VAV1: variants seen among roughly 807,000 people sequenced by gnomAD.
VAV1 encodes the protein vav guanine nucleotide exchange factor 1, also known as proto-oncogene vav.
Under a neutral mutation model 128.1 loss-of-function variants are expected in VAV1, and 33 were observed. The ratio of observed to expected loss-of-function variants is 0.26; its 90% CI spans 0.20 to 0.34. VAV1 has a LOEUF of 0.34. Among genes scored for constraint, VAV1 ranks in the 10% least tolerant of loss-of-function variants. The probability of loss-of-function intolerance (pLI) is 1.00; values close to 1 mark genes in which losing one functional copy is unlikely to be tolerated. For synonymous variants in VAV1, 394 were observed against 409.8 expected (o/e 0.96, Z 0.47); for missense variants, 715 against 1,093.7 (o/e 0.65, Z 4.88).
chr19:6,779,401 A>G (rs1416932810), intron 1 of VAV1, among the ~76,000 whole-genome samples: 1 of 151,038 alleles, frequency 6.6e-6, no homozygotes. Context: ...AAGATGACAC[A>G]TGCCACCCAC....
At chr19:6,807,623 G>A (rs768738686) in intron 1 of VAV1, among the ~76,000 whole-genome samples, 2 of 152,018 alleles carry the variant, frequency 1.3e-5, no homozygotes, top group Non-Finnish European at 2.9e-5. Flanking sequence ...GAGGTGGGAG[G>A]ATCACTTGAG....
At chr19:6,821,983 C>A in intron 4 of VAV1, 124 bp downstream of exon 4, 2 of 1,361,122 alleles carry the variant, frequency 1.5e-6, no homozygotes, top group Non-Finnish European at 2.1e-6. Flanking sequence ...GGGCACACAA[C>A]CTTGCCTGAG....
At chr19:6,782,076 A>C (rs976746434) in intron 1 of VAV1, among the ~76,000 whole-genome samples, 11 of 152,220 alleles carry the variant, frequency 7.2e-5, no homozygotes, top group Admixed American at 7.2e-4. Flanking sequence ...CACTCTTGTA[A>C]TCCCAGCACT....
At chr19:6,789,190 A>G (rs1030233947) in intron 1 of VAV1, among the ~76,000 whole-genome samples, 1 of 152,198 alleles carries the variant, frequency 6.6e-6, no homozygotes, top group Admixed American at 6.5e-5. Context: ...TGAGAACAGC[A>G]AAGAAGAGAT....
rs1568318678 is a variant in VAV1 at position 6,849,661 on chromosome 19, G to A, written c.2130-1009G>A. Reference sequence around the variant, plus strand: ...CATGTGTACCCAATGTTTAACCCCTGCTTATAAGTGAGAACATGTGGTGTT... The same window carrying A: ...CATGTGTACCCAATGTTTAACCCCTACTTATAAGTGAGAACATGTGGTGTT... On this transcript the variant is annotated intron_variant, in intron 23 of 26. Coordinates refer to ENST00000602142, the MANE Select transcript of VAV1 (RefSeq NM_005428.4). Among the ~76,000 whole-genome samples the A allele has an allele frequency of 2.0e-5, 3 of 152,132 alleles. No homozygotes were observed. The East Asian group carries it at 5.8e-4, about 29-fold the overall frequency.
At position 6,848,019 on chromosome 19, in the gene VAV1, G is replaced by A; in HGVS notation, c.2034G>A (p.Arg678=). Residue 678 remains arginine (R), a synonymous_variant, in exon 23 of 27, where the codon CGG becomes CGA. Transcript: ENST00000602142. The part of the protein sequence containing the change: ...VHLWYAGPME[R]AGAESILANR... Reference sequence around the variant, plus strand: ...GCAGGTACGCAGGCCCCATGGAGCGGGCAGGGGCAGAGAGCATCCTGGCCA... The same window carrying A: ...GCAGGTACGCAGGCCCCATGGAGCGAGCAGGGGCAGAGAGCATCCTGGCCA... 6.5e-7 allele frequency: 1 copy of A among 1,528,564 alleles called. No individual in the cohort carries two copies. 94.7% of individuals were successfully genotyped at this position (1,528,564 alleles called of 1,614,324 possible).
At chr19:6,790,551 C>T (rs1462551399) in intron 1 of VAV1, among the ~76,000 whole-genome samples, 1 of 152,204 alleles carries the variant, frequency 6.6e-6, no homozygotes. Flanking sequence ...TGATCCAGGA[C>T]AGGCGAGCCC....
At chr19:6,803,020 G>C (rs183098944) in intron 1 of VAV1, among the ~76,000 whole-genome samples, 2 of 152,246 alleles carry the variant, frequency 1.3e-5, no homozygotes, top group African/African-American at 2.4e-5. Context: ...AAACTGGGAG[G>C]CAACAAATTG....
chr19:6,826,819 C>G lies in VAV1; in HGVS notation c.927+108C>G. 1 of 870,414 alleles carries G rather than the reference C, an allele frequency of 1.1e-6. No homozygotes were observed. Among genetic ancestry groups the G allele is most frequent in the Non-Finnish European group, 1.8e-6 (1 of 547,702 alleles). The allele number at this position is 870,414 out of a possible 1,614,324, so 53.9% of individuals were successfully genotyped here. A position where few individuals can be genotyped will look rare whatever the true frequency, so the allele number is the denominator to read the frequency against. On this transcript the variant is annotated intron_variant, in intron 9 of 26. Coordinates refer to ENST00000602142, the MANE Select transcript of VAV1 (RefSeq NM_005428.4). The surrounding 1 kb of genome is among the most constrained non-coding windows in gnomAD (Gnocchi z 4.1). Reference sequence around the variant, plus strand: ...TGGTCCACTTTCTGCTGCAGCCCAGCCAGAGATCCACCAAAGGACTAGGGA... The same window carrying G: ...TGGTCCACTTTCTGCTGCAGCCCAGGCAGAGATCCACCAAAGGACTAGGGA...
chr19:6,809,171 C>G (rs1347507304), intron 1 of VAV1, among the ~76,000 whole-genome samples: 1 of 151,462 alleles, frequency 6.6e-6, no homozygotes, highest in African/African-American at 2.4e-5. Flanking sequence ...ACCTCAAACT[C>G]CTGGACTCAA....
intron 1 of VAV1, among the ~76,000 whole-genome samples, chr19:6,775,639 G>A (rs1970603910): frequency 6.6e-6 from 1 of 152,148 alleles, no homozygotes; most frequent in African/African-American, 2.4e-5. Flanking sequence ...GCACATTCCT[G>A]CCCCTACCCA....
At chr19:6,840,295 TTTTC>T (rs1158700974) in intron 21 of VAV1, among the ~76,000 whole-genome samples, 1 of 134,002 alleles carries the variant, frequency 7.5e-6, no homozygotes, top group African/African-American at 2.6e-5. Flanking sequence ...TGTGTCAGAA[TTTTC>T]TTTCTTTTTT....
At chr19:6,797,743 TAAAA>T (rs530435791) in intron 1 of VAV1, among the ~76,000 whole-genome samples, 1 of 89,918 alleles carries the variant, frequency 1.1e-5, no homozygotes. Context: ...AAACTCCGTC[TAAAA>T]AAAAAAAAAA....
At chr19:6,836,865 C>G (rs1156749956) in intron 20 of VAV1, 120 bp from the exon 21 acceptor site, 1 of 347,192 alleles carries the variant, frequency 2.9e-6, no homozygotes, top group Non-Finnish European at 6.0e-6. Context: ...CACACACACA[C>G]ACACACACAC....
In VAV1 at chr19:6,822,809, A is replaced by T. The variant is rs1394110454; in HGVS notation, c.654+295A>T. 6.8e-6 allele frequency among the ~76,000 whole-genome samples: 1 copy of T among 147,740 alleles called. No individual in the cohort carries two copies. The highest frequency in any genetic ancestry group is 6.8e-5 in the Admixed American group (1 of 14,746). On this transcript the variant is annotated intron_variant, in intron 6 of 26. Transcript: ENST00000602142. This position sits in a 1 kb window ranked among gnomAD's most constrained non-coding sequence, Gnocchi z 5.9. Reference sequence around the variant, plus strand: ...TACAAAATCAAAAATATATAAATATATTAAACATATACATAAATAGAAAAT... The same window carrying T: ...TACAAAATCAAAAATATATAAATATTTTAAACATATACATAAATAGAAAAT...
chr19:6,774,235 C>T (rs572508160), intron 1 of VAV1, among the ~76,000 whole-genome samples: 72 of 152,166 alleles, frequency 4.7e-4, no homozygotes, highest in African/African-American at 1.6e-3. Flanking sequence ...TCACGTCATT[C>T]TCCTGCCTCA....
chr19:6,807,751 GGGA>G (rs1971426334), intron 1 of VAV1, among the ~76,000 whole-genome samples: 1 of 151,598 alleles, frequency 6.6e-6, no homozygotes, highest in South Asian at 2.1e-4. Context: ...CCAGCACTTT[GGGA>G]GGCCAAGGTG....
At chr19:6,799,864 A>AG (rs1971225697) in intron 1 of VAV1, among the ~76,000 whole-genome samples, 1 of 151,170 alleles carries the variant, frequency 6.6e-6, no homozygotes. Flanking sequence ...AAAAAAAAAA[A>AG]AAGGAAAGAA....
At chr19:6,783,226 A>G (rs1970805001) in intron 1 of VAV1, among the ~76,000 whole-genome samples, 1 of 152,122 alleles carries the variant, frequency 6.6e-6, no homozygotes, top group Admixed American at 6.6e-5. Context: ...TCAAAACACA[A>G]AACCAAATTA....
Sources: allele counts gnomAD v4.1 joint callset (sites outside exome capture counted in the v4.1 genomes callset), GRCh38; gene constraint gnomAD v4.1.1; non-coding constraint Gnocchi (gnomAD v3.1); transcripts MANE v1.5; gene names NCBI Gene and HGNC (gene_info 2026-07-23, HGNC 2026-07-21).